Variants in EBF3 observed in about 807,000 individuals in gnomAD.
EBF3 encodes the protein EBF transcription factor 3.
EBF3 carries 18 observed loss-of-function variants against 77.1 expected under a neutral mutation model. The observed-to-expected ratio is 0.23, with a 90% confidence interval of 0.16 to 0.35. The LOEUF is 0.35. Ranked by LOEUF, EBF3 falls within the 10% of genes least tolerant of loss-of-function variation. EBF3 has a pLI of 1.00. For synonymous variants in EBF3, 350 were observed against 343.5 expected, an observed-to-expected ratio of 1.02 and a Z score of -0.21; for missense variants, 558 against 860.0, an observed-to-expected ratio of 0.65 and a Z score of 4.39.
intron 4 of EBF3, among the ~76,000 whole-genome samples, chr10:129,960,731 A>C (rs183012155): frequency 6.6e-6 from 1 of 151,760 alleles, no homozygotes; most frequent in African/African-American, 2.4e-5. Flanking sequence ...AGGCTAAATG[A>C]ACAATAAAAG....
chr10:129,846,990 G>A (rs1017027724), intron 11 of EBF3, among the ~76,000 whole-genome samples: 8 of 152,000 alleles, frequency 5.3e-5, no homozygotes, highest in Non-Finnish European at 1.0e-4. Context: ...CAGCCGCCCT[G>A]GGGGCTCAGG....
chr10:129,869,673 T>C (rs1003849529), intron 8 of EBF3, among the ~76,000 whole-genome samples: 14 of 152,192 alleles, frequency 9.2e-5, no homozygotes, highest in Non-Finnish European at 8.8e-5. Flanking sequence ...TTAGCTATTG[T>C]TGTTTAGCAC....
intron 11 of EBF3, among the ~76,000 whole-genome samples, chr10:129,844,620 T>C (rs577082221): frequency 6.6e-6 from 1 of 152,250 alleles, no homozygotes; most frequent in South Asian, 2.1e-4. Context: ...GATTAATCAC[T>C]ACGGGCATCA....
rs1491368743 is a variant in EBF3 at position 129,948,259 on chromosome 10, C to CCA, written c.554+8998_554+8999insTG. 5.2e-3 allele frequency among the ~76,000 whole-genome samples: 237 copies of CCA among 45,742 alleles called. 50 individuals are homozygous for CCA. The highest frequency in any genetic ancestry group is 8.8e-3 in the Admixed American group (33 of 3,756). 30.0% of individuals were successfully genotyped at this position (45,742 alleles called of 152,430 possible). On this transcript the variant is annotated intron_variant, in intron 6 of 16. Coordinates refer to ENST00000440978, the MANE Select transcript of EBF3 (RefSeq NM_001375380.1). The stretch of plus-strand genomic sequence containing the variant: ...GGCAACAAGAGCAAAAACTCCGTCT[C>CCA]AAAAAAAAAAAAAAAAAAAAAAAAA...
At chr10:129,838,107 G>A in intron 16 of EBF3, 147 bp from the exon 17 acceptor site, 2 of 893,328 alleles carry the variant, frequency 2.2e-6, no homozygotes, top group Non-Finnish European at 1.7e-6. Flanking sequence ...GGCGTGGTTA[G>A]GGCGTGCTGG....
rs562016147 is a variant in EBF3, at chr10:129,919,078, C to G, written c.554+38180G>C. 3.0e-4 allele frequency among the ~76,000 whole-genome samples: 45 copies of G among 152,282 alleles called. 1 individual carries two copies. The South Asian group carries it at 5.6e-3, about 19-fold the overall frequency. On this transcript the variant is annotated intron_variant, in intron 6 of 16. Coordinates refer to ENST00000440978, the MANE Select transcript of EBF3 (RefSeq NM_001375380.1). ...GCCATGACTGAGACTCTCTCTGTCC[C>G]CGAGGTGCTTGGGGACAGTGGGGAG...
chr10:129,859,664 C>T (rs1428672432), intron 10 of EBF3, among the ~76,000 whole-genome samples: 1 of 152,250 alleles, frequency 6.6e-6, no homozygotes, highest in Admixed American at 6.5e-5. Flanking sequence ...GTCTCAGGAC[C>T]CTCCAAAAAC....
chr10:129,954,300 G>A (rs190206698), intron 6 of EBF3, among the ~76,000 whole-genome samples: 81 of 152,124 alleles, frequency 5.3e-4, no homozygotes, highest in African/African-American at 2.0e-3. Context: ...TATAACCATG[G>A]TGCTATTAAA....
intron 6 of EBF3, among the ~76,000 whole-genome samples, chr10:129,954,763 A>G (rs576107647): frequency 2.4e-4 from 37 of 152,284 alleles, no homozygotes; most frequent in Non-Finnish European, 4.6e-4. Context: ...CACGTTGTAT[A>G]TAATTCTTTT....
At chr10:129,953,412 A>G (rs1858818032) in intron 6 of EBF3, among the ~76,000 whole-genome samples, 1 of 142,298 alleles carries the variant, frequency 7.0e-6, no homozygotes, top group Non-Finnish European at 1.5e-5. Context: ...TTCAACCCCC[A>G]CCAAAACTAA....
In EBF3 at chr10:129,848,347, T is replaced by G. The variant is rs1027858962; in HGVS notation, c.1128+45A>C. The G allele has an allele frequency of 1.3e-6, 2 of 1,586,342 alleles. No homozygotes were observed. Among genetic ancestry groups the G allele is most frequent in the African/African-American group, 2.7e-5 (2 of 74,304 alleles). On this transcript the variant is annotated intron_variant, in intron 11 of 16. Transcript: ENST00000440978. This position sits in a 1 kb window ranked among gnomAD's most constrained non-coding sequence, Gnocchi z 4.4. ...TGCCCCCAAACCAGAACCAGCCCAG[T>G]GGCGGCCCCACCATGAGCGGGGTGC...
intron 6 of EBF3, among the ~76,000 whole-genome samples, chr10:129,936,963 C>T (rs914691469): frequency 6.6e-6 from 1 of 152,182 alleles, no homozygotes; most frequent in Non-Finnish European, 1.5e-5. Flanking sequence ...CTGGGCTCCA[C>T]GGATCGGACG....
At chr10:129,855,665 A>G (rs1283314657) in intron 10 of EBF3, among the ~76,000 whole-genome samples, 1 of 152,140 alleles carries the variant, frequency 6.6e-6, no homozygotes, top group African/African-American at 2.4e-5. Context: ...CTAAGGGGAG[A>G]AATGCCTGGA....
At chr10:129,931,876 A>G (rs1477092562) in intron 6 of EBF3, among the ~76,000 whole-genome samples, 1 of 152,134 alleles carries the variant, frequency 6.6e-6, no homozygotes, top group Admixed American at 6.5e-5. Context: ...GGGTATCTGG[A>G]GTGCCCTGGG....
rs1850041760 is a variant in EBF3 at position 129,841,391 on chromosome 10, C to G, written c.1373-359G>C. On this transcript the variant is annotated intron_variant, in intron 13 of 16. Coordinates refer to ENST00000440978, the MANE Select transcript of EBF3 (RefSeq NM_001375380.1). This position sits in a 1 kb window ranked among gnomAD's most constrained non-coding sequence, Gnocchi z 4.6. ...CTCTGTAGACCTTCAAATGCCATGA[C>G]TGACAAGGAGAGCTTGTTTGTGGCC... Among the ~76,000 whole-genome samples, 1 of 152,190 alleles carries G rather than the reference C, an allele frequency of 6.6e-6. No homozygotes were observed. Among genetic ancestry groups the G allele is most frequent in the South Asian group, 2.1e-4 (1 of 4,820 alleles).
At chr10:129,838,048 C>G (rs1849727655) in intron 16 of EBF3, 88 bp from the exon 17 acceptor site, 3 of 1,520,876 alleles carry the variant, frequency 2.0e-6, no homozygotes, top group East Asian at 4.5e-5. Flanking sequence ...GCCCTTCCCC[C>G]CTATTCAACT....
chr10:129,931,038 A>G (rs759877135), intron 6 of EBF3, among the ~76,000 whole-genome samples: 2 of 146,750 alleles, frequency 1.4e-5, no homozygotes, highest in Admixed American at 6.9e-5. Flanking sequence ...ATCTATCTCT[A>G]TATTAACAAA....
At chr10:129,925,458 G>A (rs1281612420) in intron 6 of EBF3, among the ~76,000 whole-genome samples, 10 of 151,944 alleles carry the variant, frequency 6.6e-5, no homozygotes, top group Non-Finnish European at 8.8e-5. Flanking sequence ...AAGGCGTGGT[G>A]GTGCATGCCT....
At chr10:129,962,882 C>A in intron 3 of EBF3, 60 bp downstream of exon 3, 2 of 1,580,222 alleles carry the variant, frequency 1.3e-6, no homozygotes, top group Non-Finnish European at 1.7e-6. Flanking sequence ...TGTCCTTTCA[C>A]CAGCGCAGAA....
Sources: gnomAD v4.1 joint callset for allele counts (sites outside exome capture counted in the v4.1 genomes callset) on GRCh38, gnomAD v4.1.1 for gene constraint, Gnocchi (gnomAD v3.1) non-coding constraint, MANE v1.5 for transcripts, NCBI Gene and HGNC (gene_info 2026-07-23, HGNC 2026-07-21) for gene names.